Variants in NALF1 observed in about 807,000 individuals in gnomAD.
The protein encoded by NALF1 is NALCN channel auxiliary factor 1, also known as family with sequence similarity 155 member A.
A neutral mutation model predicts 48.4 loss-of-function variants in NALF1; 3 were observed. That is an observed-to-expected ratio of 0.06 (90% CI 0.03 to 0.16). The LOEUF (loss-of-function observed/expected upper bound fraction) is 0.16, where lower values mean the gene tolerates loss of function less well. NALF1 is among the 10% of genes least tolerant of loss of function. NALF1 has a pLI of 1.00. For synonymous variants in NALF1, 262 were observed against 245.7 expected (o/e 1.07, Z -0.62); for missense variants, 526 against 571.5 (o/e 0.92, Z 0.81).
At chr13:107,681,956 C>T (rs1881315899) in intron 1 of NALF1, among the ~76,000 whole-genome samples, 1 of 152,212 alleles carries the variant, frequency 6.6e-6, no homozygotes, top group Non-Finnish European at 1.5e-5. Flanking sequence ...GTCCCAGGAG[C>T]ATGTGCACGT....
intron 1 of NALF1, among the ~76,000 whole-genome samples, chr13:107,845,171 GGTTGA>G (rs1207814163): frequency 6.6e-6 from 1 of 152,112 alleles, no homozygotes; most frequent in Non-Finnish European, 1.5e-5. Flanking sequence ...TCTTAATTTT[GGTTGA>G]ATGCACTAAT....
At chr13:107,863,635 A>G (rs1219641348) in intron 1 of NALF1, among the ~76,000 whole-genome samples, 1 of 152,192 alleles carries the variant, frequency 6.6e-6, no homozygotes, top group Non-Finnish European at 1.5e-5. Context: ...GGTTTTCATA[A>G]TGTGCTTTTT....
intron 1 of NALF1, among the ~76,000 whole-genome samples, chr13:107,216,265 C>T (rs756984148): frequency 2.0e-5 from 3 of 152,192 alleles, no homozygotes; most frequent in South Asian, 2.1e-4. Flanking sequence ...TGACGCATAA[C>T]GCATGTTGCT....
intron 1 of NALF1, among the ~76,000 whole-genome samples, chr13:107,395,301 T>G (rs1883693905): frequency 6.6e-6 from 1 of 152,184 alleles, no homozygotes; most frequent in Non-Finnish European, 1.5e-5. Context: ...GAATTGATTA[T>G]GTTCACTAGG....
In NALF1 at chr13:107,452,382, A is replaced by T. The variant is rs543229416; in HGVS notation, c.916-241627T>A. On this transcript the variant is annotated intron_variant, in intron 1 of 2. Transcript: ENST00000375915. Reference sequence around the variant, plus strand: ...TCAGGAAACTTAAAATCATGGTGAAAAGTGAAAATAAAGCAAGGCATCTTC... The same window carrying T: ...TCAGGAAACTTAAAATCATGGTGAATAGTGAAAATAAAGCAAGGCATCTTC... 2.6e-5 allele frequency among the ~76,000 whole-genome samples: 4 copies of T among 152,290 alleles called. No homozygotes were observed. The South Asian group carries it at 8.3e-4, about 32-fold the overall frequency.
At chr13:107,750,006 G>C (rs534855042) in intron 1 of NALF1, among the ~76,000 whole-genome samples, 1 of 152,214 alleles carries the variant, frequency 6.6e-6, no homozygotes, top group African/African-American at 2.4e-5. Context: ...TTTTAGTAGA[G>C]ACAGGGTTTC....
At chr13:107,191,552 G>A (rs552951523) in intron 2 of NALF1, among the ~76,000 whole-genome samples, 149 of 152,216 alleles carry the variant, frequency 9.8e-4, no homozygotes, top group Middle Eastern at 6.8e-3. Context: ...TCCTAGAGGC[G>A]ATGAAGAAGC....
intron 1 of NALF1, among the ~76,000 whole-genome samples, chr13:107,607,706 T>C (rs771903147): frequency 2.0e-5 from 3 of 152,006 alleles, no homozygotes; most frequent in Non-Finnish European, 4.4e-5. Flanking sequence ...TGGGTTGGAG[T>C]CCTGGTTCTC....
chr13:107,307,038 T>C (rs1881950614), intron 1 of NALF1, among the ~76,000 whole-genome samples: 1 of 152,194 alleles, frequency 6.6e-6, no homozygotes, highest in Non-Finnish European at 1.5e-5. Context: ...AATGCCTGAC[T>C]TTATATGTTT....
chr13:107,680,094 T>G (rs1881241668), intron 1 of NALF1, among the ~76,000 whole-genome samples: 1 of 152,028 alleles, frequency 6.6e-6, no homozygotes, highest in Non-Finnish European at 1.5e-5. Flanking sequence ...CAGGTGCCCA[T>G]GTGCCCAGGT....
intron 1 of NALF1, among the ~76,000 whole-genome samples, chr13:107,279,043 C>CTTTT (rs200133690): frequency 0.027 from 3,284 of 122,820 alleles, 60 homozygotes; most frequent in African/African-American, 0.034. Context: ...TTCTTTTCTT[C>CTTTT]TTTTTTTTTT....
chr13:107,750,467 A>G (rs1308378886), intron 1 of NALF1, among the ~76,000 whole-genome samples: 1 of 152,170 alleles, frequency 6.6e-6, no homozygotes, highest in Non-Finnish European at 1.5e-5. Flanking sequence ...TTATATCTGG[A>G]TGTGTTTTGG....
chr13:107,262,292 G>C (rs1433437441), intron 1 of NALF1, among the ~76,000 whole-genome samples: 1 of 152,114 alleles, frequency 6.6e-6, no homozygotes, highest in Admixed American at 6.6e-5. Context: ...GCATGTGCCT[G>C]TTGTCCCAGC....
chr13:107,469,733 C>CTTTTTTTTTTTTTTTTTTTTT (rs61241553), intron 1 of NALF1, among the ~76,000 whole-genome samples: 2 of 79,956 alleles, frequency 2.5e-5, no homozygotes, highest in South Asian at 4.9e-4. Flanking sequence ...AACTGTGTAT[C>CTTTTTTTTTTTTTTTTTTTTT]TTTTTTTTTT....
chr13:107,595,780 C>T (rs747427212), intron 1 of NALF1, among the ~76,000 whole-genome samples: 1 of 152,106 alleles, frequency 6.6e-6, no homozygotes, highest in Non-Finnish European at 1.5e-5. Flanking sequence ...AAAATCAAGG[C>T]TCAAGTAATG....
chr13:107,675,804 G>C (rs1259115595), intron 1 of NALF1, among the ~76,000 whole-genome samples: 1 of 152,124 alleles, frequency 6.6e-6, no homozygotes, highest in Non-Finnish European at 1.5e-5. Context: ...CTATTATAGA[G>C]CCAATCCAGA....
intron 1 of NALF1, among the ~76,000 whole-genome samples, chr13:107,224,463 T>G (rs1374519312): frequency 6.7e-6 from 1 of 149,036 alleles, no homozygotes. Flanking sequence ...ATAAATATAA[T>G]ACAAATTACA....
In NALF1 at chr13:107,357,455, C is replaced by G. The variant is rs982575062; in HGVS notation, c.916-146700G>C. 3.0e-4 allele frequency among the ~76,000 whole-genome samples: 46 copies of G among 152,234 alleles called. 1 individual carries two copies. Among genetic ancestry groups the G allele is most frequent in the Admixed American group, 3.0e-3 (46 of 15,280 alleles). On this transcript the variant is annotated intron_variant, in intron 1 of 2. Transcript: ENST00000375915. ...TCAAGATAAGATTTGGGTGGGGACACAGAGCCAAGCCATATCAATCACGTA... is the reference window on the plus strand; with the variant it reads ...TCAAGATAAGATTTGGGTGGGGACAGAGAGCCAAGCCATATCAATCACGTA...
At chr13:107,263,249 G>GACACACACACACAC (rs34637583) in intron 1 of NALF1, among the ~76,000 whole-genome samples, 134 of 138,460 alleles carry the variant, frequency 9.7e-4, no homozygotes, top group Middle Eastern at 3.8e-3. Flanking sequence ...AATGCTAACA[G>GACACACACACACAC]ACACACACAC....
Sources: allele counts gnomAD v4.1 joint callset (sites outside exome capture counted in the v4.1 genomes callset), GRCh38; gene constraint gnomAD v4.1.1; transcripts MANE v1.5; gene names NCBI Gene and HGNC (gene_info 2026-07-23, HGNC 2026-07-21).